The following SLC25A26 variants were observed in gnomAD, a reference collection of about 807,000 sequenced individuals.
SLC25A26 encodes solute carrier family 25 member 26.
In SLC25A26, 36 loss-of-function variants were observed where a neutral mutation model predicts 37.8. The ratio of observed to expected loss-of-function variants is 0.95; its 90% CI spans 0.73 to 1.26. The LOEUF is 1.26. Among genes scored for constraint, SLC25A26 ranks in the 50% most tolerant of loss-of-function variants. The pLI, the probability that SLC25A26 is intolerant of heterozygous loss-of-function variation, is 0.00. For synonymous variants in SLC25A26, 129 were observed against 122.5 expected (o/e 1.05, Z -0.35); for missense variants, 390 against 331.1 (o/e 1.18, Z -1.38).
intron 5 of SLC25A26, among the ~76,000 whole-genome samples, chr3:66,326,193 A>C (rs773415249): frequency 8.5e-5 from 13 of 152,172 alleles, no homozygotes; most frequent in Non-Finnish European, 1.8e-4. Context: ...CCTATGGGCT[A>C]GATTGCCGGA....
intron 5 of SLC25A26, among the ~76,000 whole-genome samples, chr3:66,319,137 A>G (rs1049978397): frequency 3.3e-5 from 5 of 152,226 alleles, no homozygotes; most frequent in Non-Finnish European, 2.9e-5. Flanking sequence ...AGTTAGCATC[A>G]CTTAAATCAG....
At chr3:66,145,264 A>C (rs1456213009) in intron 1 of SLC25A26, among the ~76,000 whole-genome samples, 1 of 152,236 alleles carries the variant, frequency 6.6e-6, no homozygotes, top group Non-Finnish European at 1.5e-5. Context: ...ACGGCTCATA[A>C]GGTTTGCATG....
intron 2 of SLC25A26, among the ~76,000 whole-genome samples, chr3:66,242,895 T>A (rs553082854): frequency 7.9e-5 from 12 of 152,340 alleles, no homozygotes; most frequent in Non-Finnish European, 1.8e-4. Context: ...TCATATCCTT[T>A]TCTAAAGTTG....
chr3:66,233,425 G>GT (rs1183750535), intron 1 of SLC25A26, among the ~76,000 whole-genome samples: 2 of 151,772 alleles, frequency 1.3e-5, no homozygotes, highest in African/African-American at 4.9e-5. Context: ...GAACTTTTCG[G>GT]TATAAGCTAC....
intron 5 of SLC25A26, among the ~76,000 whole-genome samples, chr3:66,264,366 G>A (rs1385140785): frequency 6.6e-6 from 1 of 152,106 alleles, no homozygotes; most frequent in African/African-American, 2.4e-5. Flanking sequence ...AATGAAATAA[G>A]CCTTCTAAGA....
chr3:66,171,917 T>C (rs1041614167), intron 1 of SLC25A26, among the ~76,000 whole-genome samples: 4 of 152,214 alleles, frequency 2.6e-5, no homozygotes, highest in Non-Finnish European at 4.4e-5. Flanking sequence ...GTGAAGATGG[T>C]GCTACTCTTC....
chr3:66,174,514 C>T (rs1326295606), intron 1 of SLC25A26, among the ~76,000 whole-genome samples: 1 of 152,190 alleles, frequency 6.6e-6, no homozygotes, highest in Non-Finnish European at 1.5e-5. Flanking sequence ...GGCGTGGTGG[C>T]TCAGGCCTGT....
chr3:66,267,917 C>T (rs574977980), intron 5 of SLC25A26, among the ~76,000 whole-genome samples: 6 of 152,316 alleles, frequency 3.9e-5, no homozygotes, highest in South Asian at 2.1e-4. Flanking sequence ...AGCGATCAAG[C>T]GTCAAGGACT....
intron 5 of SLC25A26, among the ~76,000 whole-genome samples, chr3:66,279,550 C>T (rs891682206): frequency 6.6e-6 from 1 of 152,132 alleles, no homozygotes; most frequent in African/African-American, 2.4e-5. Flanking sequence ...AATTATCTTT[C>T]TCTAGTGCCT....
At chr3:66,171,790 C>T (rs1288465946) in intron 1 of SLC25A26, among the ~76,000 whole-genome samples, 2 of 152,116 alleles carry the variant, frequency 1.3e-5, no homozygotes, top group African/African-American at 2.4e-5. Context: ...GCACCCGGCC[C>T]TGAGATGTTC....
At chr3:66,324,904 T>A (rs546673282) in intron 5 of SLC25A26, among the ~76,000 whole-genome samples, 1 of 152,130 alleles carries the variant, frequency 6.6e-6, no homozygotes, top group African/African-American at 2.4e-5. Context: ...CTACAAATTA[T>A]AGCGACAAAA....
At chr3:66,237,140 C>G (rs1045242314) in intron 2 of SLC25A26, among the ~76,000 whole-genome samples, 10 of 152,098 alleles carry the variant, frequency 6.6e-5, no homozygotes, top group African/African-American at 2.2e-4. Context: ...TGTGCTGGGC[C>G]TAACCCATTA....
intron 1 of SLC25A26, among the ~76,000 whole-genome samples, chr3:66,167,114 T>C (rs150721801): frequency 0.011 from 1,748 of 152,310 alleles, 25 homozygotes; most frequent in African/African-American, 0.03. Flanking sequence ...TTTTTCCTTA[T>C]AAATTACTCA....
chr3:66,291,130 A>G (rs571016569), intron 5 of SLC25A26, among the ~76,000 whole-genome samples: 7 of 152,088 alleles, frequency 4.6e-5, no homozygotes, highest in Non-Finnish European at 1.0e-4. Flanking sequence ...CTCTGATAGT[A>G]GTTTGTATTT....
At chr3:66,181,963 G>C (rs190618878) in intron 1 of SLC25A26, among the ~76,000 whole-genome samples, 2 of 152,216 alleles carry the variant, frequency 1.3e-5, no homozygotes, top group Admixed American at 1.3e-4. Flanking sequence ...TTTGGGCATT[G>C]AGGGCTCTCA....
chr3:66,321,546 G>A (rs1356907141), intron 5 of SLC25A26, among the ~76,000 whole-genome samples: 2 of 152,184 alleles, frequency 1.3e-5, no homozygotes, highest in African/African-American at 4.8e-5. Flanking sequence ...AACTGTAGAT[G>A]TCTTTTTAAA....
intron 6 of SLC25A26, among the ~76,000 whole-genome samples, chr3:66,350,613 T>A (rs1283752564): frequency 5.9e-5 from 9 of 152,202 alleles, no homozygotes; most frequent in Non-Finnish European, 1.0e-4. Context: ...TTTCTAAAAC[T>A]CTAAAACATT....
At chr3:66,247,489 T>C (rs2072904210) in intron 3 of SLC25A26, among the ~76,000 whole-genome samples, 1 of 152,066 alleles carries the variant, frequency 6.6e-6, no homozygotes, top group African/African-American at 2.4e-5. Context: ...TTAAAACAAT[T>C]TTGTAAAGAT....
At chr3:66,225,513 C>CT (rs2071703543) in intron 1 of SLC25A26, among the ~76,000 whole-genome samples, 1 of 152,162 alleles carries the variant, frequency 6.6e-6, no homozygotes, top group Non-Finnish European at 1.5e-5. Context: ...CCTAGGCCTC[C>CT]AGAGCCTGTG....
Sources: gnomAD v4.1 joint callset for allele counts (sites outside exome capture counted in the v4.1 genomes callset) on GRCh38, gnomAD v4.1.1 for gene constraint, MANE v1.5 for transcripts, NCBI Gene and HGNC (gene_info 2026-07-23, HGNC 2026-07-21) for gene names.